SLC44A5: variants seen among roughly 807,000 people sequenced by gnomAD.
SLC44A5 encodes solute carrier family 44 member 5.
A neutral mutation model predicts 101.8 loss-of-function variants in SLC44A5; 57 were observed. The ratio of observed to expected loss-of-function variants is 0.56; its 90% CI spans 0.45 to 0.70. The LOEUF is 0.70. Among genes scored for constraint, SLC44A5 ranks in the 30% least tolerant of loss-of-function variants. The pLI is 0.00. For missense variants in SLC44A5, 737 were observed against 853.1 expected (o/e 0.86, Z 1.70); for synonymous variants, 281 against 290.9 (o/e 0.97, Z 0.35).
chr1:75,691,788 A>G, the SLC44A5 span, among the ~76,000 whole-genome samples: 2 of 152,214 alleles, frequency 1.3e-5, no homozygotes, highest in South Asian at 2.1e-4. Flanking sequence ...ATGTCTTTAC[A>G]TGGCAGAGAG....
At chr1:75,616,068 G>A (rs1675866854), upstream of SLC44A5, among the ~76,000 whole-genome samples, 1 of 151,706 alleles carries the variant, frequency 6.6e-6, no homozygotes, top group African/African-American at 2.4e-5. Context: ...TGGGGCGGGC[G>A]CCGCCGCCCC....
chr1:75,535,143 T>C (rs571775452), intron 2 of SLC44A5, among the ~76,000 whole-genome samples: 3 of 151,262 alleles, frequency 2.0e-5, no homozygotes, highest in African/African-American at 7.3e-5. Context: ...TCTGCTTACC[T>C]AAGGAAACCA....
chr1:75,351,869 AG>A (rs370656974), intron 3 of SLC44A5, among the ~76,000 whole-genome samples: 1 of 37,256 alleles, frequency 2.7e-5, no homozygotes, highest in Non-Finnish European at 8.4e-5. Flanking sequence ...AAAAAAAAAA[AG>A]AGAGAGAGAG....
chr1:75,542,723 A>G (rs1671421975), intron 1 of SLC44A5, among the ~76,000 whole-genome samples: 1 of 152,144 alleles, frequency 6.6e-6, no homozygotes, highest in Non-Finnish European at 1.5e-5. Context: ...AAGCTTACAT[A>G]TTTAAGATTA....
intron 1 of SLC44A5, 54 bp from the exon 2 acceptor site, chr1:75,541,570 A>T: frequency 8.2e-7 from 1 of 1,215,592 alleles, no homozygotes; most frequent in Admixed American, 2.2e-5. Context: ...ATTTTTACTC[A>T]TTAACAACTA....
upstream of SLC44A5, among the ~76,000 whole-genome samples, chr1:75,614,921 A>AGCC (rs576296708): frequency 1.1e-3 from 174 of 152,072 alleles, no homozygotes; most frequent in Admixed American, 1.9e-3. Context: ...AGAGCTAGGG[A>AGCC]GCCGACAAGC....
intron 3 of SLC44A5, among the ~76,000 whole-genome samples, chr1:75,342,659 G>C (rs1657972629): frequency 6.6e-6 from 1 of 152,110 alleles, no homozygotes; most frequent in Non-Finnish European, 1.5e-5. Context: ...AACTTCTATT[G>C]ATTTTGTAAT....
chr1:75,569,667 C>T (rs1328415330), intron 1 of SLC44A5, among the ~76,000 whole-genome samples: 1 of 152,108 alleles, frequency 6.6e-6, no homozygotes, highest in Non-Finnish European at 1.5e-5. Flanking sequence ...TAATACCTGG[C>T]TAACGGTAAA....
At chr1:75,370,734 G>A (rs1216222309) in intron 3 of SLC44A5, among the ~76,000 whole-genome samples, 5 of 152,290 alleles carry the variant, frequency 3.3e-5, no homozygotes, top group South Asian at 2.1e-4. Context: ...ACTTTGATAC[G>A]GGATCAGAGT....
intron 2 of SLC44A5, among the ~76,000 whole-genome samples, chr1:75,526,493 G>A (rs1670415246): frequency 6.6e-6 from 1 of 152,094 alleles, no homozygotes; most frequent in Non-Finnish European, 1.5e-5. Flanking sequence ...GGCCCTTAGT[G>A]TGGCTGCAAA....
the SLC44A5 span, among the ~76,000 whole-genome samples, chr1:75,720,134 C>G: frequency 6.6e-6 from 1 of 152,200 alleles, no homozygotes; most frequent in Non-Finnish European, 1.5e-5. Flanking sequence ...CCTTCTGAGT[C>G]ACCCTTTCCC....
intron 2 of SLC44A5, among the ~76,000 whole-genome samples, chr1:75,498,464 C>T (rs1419964435): frequency 2.0e-5 from 3 of 152,234 alleles, no homozygotes; most frequent in African/African-American, 4.8e-5. Flanking sequence ...ATGTTGCATT[C>T]TTTAAAATGC....
chr1:75,674,196 GA>G, the SLC44A5 span, among the ~76,000 whole-genome samples: 1 of 151,954 alleles, frequency 6.6e-6, no homozygotes, highest in Non-Finnish European at 1.5e-5. Context: ...ATTCCTATCA[GA>G]AAAATTTAAC....
At chr1:75,479,164 C>T (rs1212166827) in intron 2 of SLC44A5, among the ~76,000 whole-genome samples, 2 of 152,034 alleles carry the variant, frequency 1.3e-5, no homozygotes, top group African/African-American at 2.4e-5. Flanking sequence ...GGGTACATAA[C>T]GAAATGAAGG....
At chr1:75,437,998 AT>A (rs1664984631) in intron 2 of SLC44A5, among the ~76,000 whole-genome samples, 2 of 152,196 alleles carry the variant, frequency 1.3e-5, no homozygotes, top group Admixed American at 1.3e-4. Flanking sequence ...TGATGCAGTG[AT>A]TTTGAGTAGG....
At chr1:75,674,588 G>A in the SLC44A5 span, among the ~76,000 whole-genome samples, 37,958 of 147,574 alleles carry the variant, frequency 0.26, 5,080 homozygotes, top group Non-Finnish European at 0.31. Context: ...TCATGTTGGT[G>A]AGACTGGTTT....
In SLC44A5 at chr1:75,526,353, C is replaced by T. The variant is rs115841713; in HGVS notation, c.13+15082G>A. 4.4e-3 allele frequency among the ~76,000 whole-genome samples: 675 copies of T among 152,312 alleles called. 1 individual carries two copies. Among genetic ancestry groups the T allele is most frequent in the African/African-American group, 0.015 (641 of 41,566 alleles). On this transcript the variant is annotated intron_variant, in intron 2 of 23. Transcript: ENST00000370859. Reference sequence around the variant, plus strand: ...AAATTAATTACTCCCAGGTACTCCCCTACTTTTCCCAGGCTACCTCACAGT... The same window carrying T: ...AAATTAATTACTCCCAGGTACTCCCTTACTTTTCCCAGGCTACCTCACAGT...
chr1:75,499,497 G>GT (rs1416802638), intron 2 of SLC44A5, among the ~76,000 whole-genome samples: 1 of 152,182 alleles, frequency 6.6e-6, no homozygotes, highest in East Asian at 1.9e-4. Context: ...CTGGTCCATG[G>GT]TTCGGGGGTT....
chr1:75,683,913 G>T, the SLC44A5 span, among the ~76,000 whole-genome samples: 1 of 149,058 alleles, frequency 6.7e-6, no homozygotes, highest in Non-Finnish European at 1.5e-5. Flanking sequence ...AAGAGCGGAA[G>T]TAGCCATATT....
Sources: allele counts gnomAD v4.1 joint callset (sites outside exome capture counted in the v4.1 genomes callset), GRCh38; gene constraint gnomAD v4.1.1; transcripts MANE v1.5; gene names NCBI Gene and HGNC (gene_info 2026-07-23, HGNC 2026-07-21).